GRM7: variants seen among roughly 807,000 people sequenced by gnomAD.
The protein encoded by GRM7 is glutamate metabotropic receptor 7.
In GRM7, 35 loss-of-function variants were observed where a neutral mutation model predicts 84.5. The observed-to-expected ratio is 0.41, with a 90% CI of 0.32 to 0.55. The LOEUF (loss-of-function observed/expected upper bound fraction) is 0.55, where lower values mean the gene tolerates loss of function less well. Ranked by LOEUF, GRM7 falls within the 20% of genes least tolerant of loss-of-function variation. GRM7 has a pLI of 0.19. For missense variants in GRM7, 1,003 were observed against 1,194.6 expected, an observed-to-expected ratio of 0.84 and a Z score of 2.36; for synonymous variants, 487 against 455.1, an observed-to-expected ratio of 1.07 and a Z score of -0.89.
At chr3:7,670,537 A>G (rs1699875711) in intron 8 of GRM7, among the ~76,000 whole-genome samples, 1 of 152,222 alleles carries the variant, frequency 6.6e-6, no homozygotes, top group Non-Finnish European at 1.5e-5. Context: ...CAAGTTGAAT[A>G]GGCCCAAGAA....
At chr3:7,014,963 T>C (rs917996898) in intron 1 of GRM7, among the ~76,000 whole-genome samples, 1 of 152,122 alleles carries the variant, frequency 6.6e-6, no homozygotes, top group African/African-American at 2.4e-5. Context: ...TTGTAAAATG[T>C]GCCAATCAGT....
intron 1 of GRM7, among the ~76,000 whole-genome samples, chr3:6,946,488 T>C (rs1698087250): frequency 6.6e-6 from 1 of 152,206 alleles, no homozygotes; most frequent in African/African-American, 2.4e-5. Flanking sequence ...TGAAGTCAGG[T>C]AGCGTGATGC....
At chr3:7,576,929 T>C (rs557350924) in intron 7 of GRM7, among the ~76,000 whole-genome samples, 1 of 152,344 alleles carries the variant, frequency 6.6e-6, no homozygotes, top group East Asian at 1.9e-4. Flanking sequence ...AATTCTTGCT[T>C]CAGGGATAGC....
chr3:7,297,133 A>G (rs1181332817), intron 2 of GRM7, among the ~76,000 whole-genome samples: 3 of 152,120 alleles, frequency 2.0e-5, no homozygotes, highest in Non-Finnish European at 4.4e-5. Context: ...TAAACATATA[A>G]TGCTATGTTT....
intron 9 of GRM7, among the ~76,000 whole-genome samples, chr3:7,714,209 G>A (rs999716275): frequency 1.1e-4 from 16 of 152,100 alleles, no homozygotes; most frequent in Non-Finnish European, 7.4e-5. Context: ...ATCAAACTGG[G>A]GGAGGAGATA....
intron 1 of GRM7, among the ~76,000 whole-genome samples, chr3:7,113,195 A>T (rs1692919372): frequency 6.6e-6 from 1 of 152,186 alleles, no homozygotes; most frequent in Admixed American, 6.6e-5. Flanking sequence ...GAAAAAAATT[A>T]AAAAATATGT....
intron 2 of GRM7, among the ~76,000 whole-genome samples, chr3:7,201,425 A>G (rs994208489): frequency 6.6e-6 from 1 of 152,178 alleles, no homozygotes; most frequent in Non-Finnish European, 1.5e-5. Flanking sequence ...TACTAGAATC[A>G]GAAGTACTAC....
intron 4 of GRM7, among the ~76,000 whole-genome samples, chr3:7,309,093 A>AT (rs1479550838): frequency 6.6e-6 from 1 of 152,286 alleles, no homozygotes; most frequent in Non-Finnish European, 1.5e-5. Context: ...AAGAGTGAAG[A>AT]TTTTTTGTGG....
At chr3:7,259,701 A>G (rs1698337006) in intron 2 of GRM7, among the ~76,000 whole-genome samples, 1 of 152,188 alleles carries the variant, frequency 6.6e-6, no homozygotes, top group Non-Finnish European at 1.5e-5. Context: ...TTGGGCATAT[A>G]AGTTGATTCC....
Position 7,047,670 on chromosome 3 carries a change from A to T in GRM7, c.520-98782A>T, listed in dbSNP as rs1263828463. 4.6e-5 allele frequency among the ~76,000 whole-genome samples: 7 copies of T among 152,178 alleles called. No individual in the cohort carries two copies. The East Asian group carries it at 1.2e-3, about 25-fold the overall frequency. ...GTCCAGGGAGCTGCTGCATTGAGGA[A>T]TGTTCCAGTGTCCTGGATTCTACGC... is the stretch of plus-strand genomic sequence containing the variant. On this transcript the variant is annotated intron_variant, in intron 1 of 9. Coordinates refer to ENST00000357716, the MANE Select transcript of GRM7 (RefSeq NM_000844.4).
intron 7 of GRM7, among the ~76,000 whole-genome samples, chr3:7,532,349 G>A (rs1701070862): frequency 6.6e-6 from 1 of 152,090 alleles, no homozygotes; most frequent in Non-Finnish European, 1.5e-5. Flanking sequence ...TTTAGTTTTG[G>A]AGGGTGTATG....
intron 4 of GRM7, among the ~76,000 whole-genome samples, chr3:7,387,095 A>C (rs1006565528): frequency 6.6e-6 from 1 of 152,124 alleles, no homozygotes; most frequent in Non-Finnish European, 1.5e-5. Flanking sequence ...TCTCAAAAGA[A>C]GTCCTTTGAC....
chr3:7,500,707 T>A (rs1012585002), intron 7 of GRM7, among the ~76,000 whole-genome samples: 7 of 152,362 alleles, frequency 4.6e-5, no homozygotes, highest in African/African-American at 1.7e-4. Flanking sequence ...CTTCACTTCC[T>A]GCTGACATGA....
intron 1 of GRM7, among the ~76,000 whole-genome samples, chr3:7,076,273 T>C (rs887341502): frequency 1.3e-5 from 2 of 152,180 alleles, no homozygotes; most frequent in Non-Finnish European, 2.9e-5. Context: ...GCACCTGATA[T>C]GGTTTGGCTC....
intron 1 of GRM7, among the ~76,000 whole-genome samples, chr3:6,965,847 G>T (rs990253940): frequency 6.6e-6 from 1 of 152,122 alleles, no homozygotes; most frequent in Non-Finnish European, 1.5e-5. Context: ...CTATTGAGGG[G>T]TCTGCTGATT....
At chr3:7,231,471 C>A (rs1037578381) in intron 2 of GRM7, among the ~76,000 whole-genome samples, 2 of 151,890 alleles carry the variant, frequency 1.3e-5, no homozygotes, top group African/African-American at 4.8e-5. Context: ...TATATAATGT[C>A]CAGAAACACA....
chr3:7,571,344 T>G (rs1694645691), intron 7 of GRM7, among the ~76,000 whole-genome samples: 1 of 152,190 alleles, frequency 6.6e-6, no homozygotes, highest in African/African-American at 2.4e-5. Flanking sequence ...ACTGAATGCC[T>G]TTAACAGCAC....
intron 8 of GRM7, among the ~76,000 whole-genome samples, chr3:7,645,758 C>T (rs1559461199): frequency 1.3e-5 from 2 of 151,990 alleles, no homozygotes; most frequent in Admixed American, 6.6e-5. Context: ...CTCTTGTGGA[C>T]CTGTTTACGA....
intron 2 of GRM7, among the ~76,000 whole-genome samples, chr3:7,237,639 G>A (rs930257769): frequency 1.2e-4 from 18 of 152,192 alleles, no homozygotes; most frequent in African/African-American, 4.1e-4. Context: ...TGCAGTGAGT[G>A]TTACAGCTCA....
Sources: allele counts gnomAD v4.1 joint callset (sites outside exome capture counted in the v4.1 genomes callset), GRCh38; gene constraint gnomAD v4.1.1; transcripts MANE v1.5; gene names NCBI Gene and HGNC (gene_info 2026-07-23, HGNC 2026-07-21).